Variants in STK32B observed in about 807,000 individuals in gnomAD.
STK32B encodes serine/threonine-protein kinase 32B.
STK32B carries 43 observed loss-of-function variants against 52.6 expected under a neutral mutation model. The ratio of observed to expected loss-of-function variants is 0.82; its 90% CI spans 0.64 to 1.05. STK32B has a LOEUF of 1.05. STK32B is among the 50% of genes least tolerant of loss of function. The pLI, the probability that STK32B is intolerant of heterozygous loss-of-function variation, is 0.00. For missense variants in STK32B, 621 were observed against 534.6 expected (o/e 1.16, Z -1.59); for synonymous variants, 238 against 204.3 (o/e 1.17, Z -1.41).
At chr4:5,490,128 A>G (rs1376413618) in intron 11 of STK32B, among the ~76,000 whole-genome samples, 1 of 146,034 alleles carries the variant, frequency 6.8e-6, no homozygotes, top group Non-Finnish European at 1.5e-5. Context: ...TTTTTTTTCT[A>G]GACAGTCTCA....
chr4:5,120,174 A>G (rs1714948986), intron 1 of STK32B, among the ~76,000 whole-genome samples: 1 of 152,340 alleles, frequency 6.6e-6, no homozygotes, highest in African/African-American at 2.4e-5. Context: ...TGACACTGGT[A>G]ATCATTGACG....
At chr4:5,205,050 G>A (rs145690369) in intron 3 of STK32B, among the ~76,000 whole-genome samples, 2 of 152,310 alleles carry the variant, frequency 1.3e-5, no homozygotes, top group East Asian at 3.9e-4. Flanking sequence ...TCCCTGGAGG[G>A]CCCGAGTGGA....
At chr4:5,317,077 A>G (rs1458287106) in intron 3 of STK32B, among the ~76,000 whole-genome samples, 2 of 31,544 alleles carry the variant, frequency 6.3e-5, no homozygotes, top group Non-Finnish European at 8.8e-5. Flanking sequence ...TATATTATAT[A>G]TTATATATAT....
At chr4:5,189,406 G>C (rs1232022359) in intron 3 of STK32B, among the ~76,000 whole-genome samples, 5 of 152,218 alleles carry the variant, frequency 3.3e-5, no homozygotes, top group Non-Finnish European at 7.3e-5. Flanking sequence ...GAATCATACA[G>C]TGTGTAGACT....
intron 3 of STK32B, among the ~76,000 whole-genome samples, chr4:5,252,096 C>G (rs1169873465): frequency 6.6e-6 from 1 of 152,150 alleles, no homozygotes; most frequent in African/African-American, 2.4e-5. Context: ...CAACAACCCC[C>G]CATCAGATGT....
chr4:5,446,827 C>G (rs375065211), intron 7 of STK32B, 51 bp downstream of exon 7: 4 of 1,577,924 alleles, frequency 2.5e-6, no homozygotes, highest in Admixed American at 1.7e-5. Flanking sequence ...AGTGGGGGCT[C>G]ACGTTGTACC....
chr4:5,482,498 G>C (rs143532268), intron 11 of STK32B, among the ~76,000 whole-genome samples: 2 of 151,982 alleles, frequency 1.3e-5, no homozygotes, highest in East Asian at 1.9e-4. Context: ...GAGATGATGA[G>C]GTTTTCTAGA....
rs534809342 is a variant in STK32B, at chr4:5,332,599, A to C, written c.434+1206A>C. Reference sequence around the variant, plus strand: ...CCATGCTGGTGTGCTGCACCCAATAACTCGTCATTTAGCATTAGATATATC... The same window carrying C: ...CCATGCTGGTGTGCTGCACCCAATACCTCGTCATTTAGCATTAGATATATC... On this transcript the variant is annotated intron_variant, in intron 4 of 11. Transcript: ENST00000282908. 4.1e-4 allele frequency among the ~76,000 whole-genome samples: 62 copies of C among 152,038 alleles called. 2 individuals are homozygous for C. Among genetic ancestry groups the C allele is most frequent in the Admixed American group, 2.6e-4 (4 of 15,272 alleles).
intron 3 of STK32B, among the ~76,000 whole-genome samples, chr4:5,285,755 G>C (rs1577293999): frequency 6.6e-6 from 1 of 152,220 alleles, no homozygotes; most frequent in East Asian, 1.9e-4. Flanking sequence ...ACACAATTTA[G>C]AAATTCAAGC....
At chr4:5,316,851 A>G (rs1213054536) in intron 3 of STK32B, among the ~76,000 whole-genome samples, 1 of 1,106 alleles carries the variant, frequency 9.0e-4, no homozygotes, top group African/African-American at 5.0e-3. Context: ...TATATAATAT[A>G]TTATATATAT....
At position 5,176,948 on chromosome 4, in the gene STK32B, C is replaced by T. The variant is rs78045031; in HGVS notation, c.260+8498C>T. On this transcript the variant is annotated intron_variant, in intron 3 of 11. Coordinates refer to ENST00000282908, the MANE Select transcript of STK32B (RefSeq NM_018401.3). ...ACTTTGGAGTCACCCCTCAGACTCT[C>T]TGGGCCTCAACTTCCTCACTTGTCA... Among the ~76,000 whole-genome samples the T allele has an allele frequency of 4.7e-4, 72 of 152,322 alleles. No homozygotes were observed. The East Asian group carries it at 0.011, about 22-fold the overall frequency.
intron 11 of STK32B, among the ~76,000 whole-genome samples, chr4:5,488,026 C>T (rs567125957): frequency 8.5e-5 from 13 of 152,286 alleles, no homozygotes; most frequent in African/African-American, 3.1e-4. Flanking sequence ...CTAGGCTGGT[C>T]TATAGGCAGA....
chr4:5,253,542 A>G (rs1726087821), intron 3 of STK32B, among the ~76,000 whole-genome samples: 1 of 151,940 alleles, frequency 6.6e-6, no homozygotes, highest in South Asian at 2.1e-4. Flanking sequence ...TGCCCAGCCA[A>G]GTTTTGTATT....
At chr4:5,301,661 TTTC>T (rs1207766120) in intron 3 of STK32B, among the ~76,000 whole-genome samples, 128 of 135,186 alleles carry the variant, frequency 9.5e-4, no homozygotes, top group African/African-American at 4.1e-3. Context: ...GTTTCTTTTC[TTTC>T]TTTTTTTTTT....
intron 3 of STK32B, among the ~76,000 whole-genome samples, chr4:5,247,714 C>G (rs1725562964): frequency 6.6e-6 from 1 of 152,128 alleles, no homozygotes; most frequent in African/African-American, 2.4e-5. Context: ...CATCTTGGCT[C>G]CACCCCTTTG....
chr4:5,452,342 G>A (rs1560426027), intron 7 of STK32B, among the ~76,000 whole-genome samples: 1 of 152,046 alleles, frequency 6.6e-6, no homozygotes, highest in Non-Finnish European at 1.5e-5. Flanking sequence ...ACCGCTGGAT[G>A]TACAAGGCGT....
At chr4:5,159,701 A>T (rs1718258579) in intron 2 of STK32B, among the ~76,000 whole-genome samples, 1 of 121,902 alleles carries the variant, frequency 8.2e-6, no homozygotes, top group African/African-American at 4.1e-5. Flanking sequence ...ATATGAATAT[A>T]TATGAATATA....
At chr4:5,375,363 C>T (rs540231317) in intron 4 of STK32B, among the ~76,000 whole-genome samples, 13 of 152,286 alleles carry the variant, frequency 8.5e-5, no homozygotes, top group African/African-American at 2.6e-4. Context: ...TGCTCTCTGC[C>T]CCAAACTCCA....
intron 1 of STK32B, among the ~76,000 whole-genome samples, chr4:5,094,333 C>T (rs1560147963): frequency 6.6e-6 from 1 of 152,138 alleles, no homozygotes; most frequent in Non-Finnish European, 1.5e-5. Flanking sequence ...CAACCAAGAG[C>T]CAGCAGATGA....
Sources: gnomAD v4.1 joint callset for allele counts (sites outside exome capture counted in the v4.1 genomes callset) on GRCh38, gnomAD v4.1.1 for gene constraint, MANE v1.5 for transcripts, NCBI Gene and HGNC (gene_info 2026-07-23, HGNC 2026-07-21) for gene names.